LINGO2: variants seen among roughly 807,000 people sequenced by gnomAD.
LINGO2 encodes the protein leucine-rich repeat and immunoglobulin-like domain-containing nogo receptor-interacting protein 2.
In LINGO2, 14 loss-of-function variants were observed where a neutral mutation model predicts 30.6. That is an observed-to-expected ratio of 0.46 (90% CI 0.30 to 0.72). The LOEUF is 0.72. Among genes scored for constraint, LINGO2 ranks in the 30% least tolerant of loss-of-function variants. The pLI is 0.07. For missense variants in LINGO2, 729 were observed against 751.7 expected, an observed-to-expected ratio of 0.97 and a Z score of 0.35; for synonymous variants, 317 against 288.5, an observed-to-expected ratio of 1.10 and a Z score of -1.00.
At chr9:29,036,265 GT>G in the LINGO2 span, among the ~76,000 whole-genome samples, 1 of 152,042 alleles carries the variant, frequency 6.6e-6, no homozygotes, top group Non-Finnish European at 1.5e-5. Flanking sequence ...GTGCATAAAA[GT>G]GATTATAAGA....
At chr9:29,080,190 G>A in the LINGO2 span, among the ~76,000 whole-genome samples, 926 of 152,168 alleles carry the variant, frequency 6.1e-3, 13 homozygotes, top group African/African-American at 0.021. Flanking sequence ...TATGTGACCA[G>A]GAATTTATCC....
At chr9:28,588,632 G>A (rs1026022556) in intron 1 of LINGO2, among the ~76,000 whole-genome samples, 2 of 131,236 alleles carry the variant, frequency 1.5e-5, no homozygotes, top group Non-Finnish European at 3.2e-5. Flanking sequence ...CAAACATGAC[G>A]GTGTGGGCAT....
At chr9:28,251,241 T>G (rs934254242) in intron 4 of LINGO2, among the ~76,000 whole-genome samples, 11 of 152,100 alleles carry the variant, frequency 7.2e-5, no homozygotes, top group Non-Finnish European at 2.9e-5. Context: ...AACCTTTTTT[T>G]CCCAAGAACC....
chr9:28,017,644 A>T (rs975822956), intron 4 of LINGO2, among the ~76,000 whole-genome samples: 1 of 152,188 alleles, frequency 6.6e-6, no homozygotes, highest in South Asian at 2.1e-4. Context: ...CTAGGAATAC[A>T]GCTAATCAGG....
chr9:28,019,215 C>T (rs918107039), intron 4 of LINGO2, among the ~76,000 whole-genome samples: 7 of 151,914 alleles, frequency 4.6e-5, no homozygotes, highest in Non-Finnish European at 7.4e-5. Flanking sequence ...TCTCCAAACC[C>T]GTGACATGCA....
the LINGO2 span, among the ~76,000 whole-genome samples, chr9:28,839,481 C>G: frequency 6.6e-6 from 1 of 152,098 alleles, no homozygotes; most frequent in African/African-American, 2.4e-5. Context: ...GTATGCAGCT[C>G]TCAGCAGAGA....
intron 4 of LINGO2, among the ~76,000 whole-genome samples, chr9:28,217,016 A>G (rs1820791194): frequency 6.6e-6 from 1 of 151,780 alleles, no homozygotes; most frequent in African/African-American, 2.4e-5. Flanking sequence ...GTTTTGCATC[A>G]ATGAGAAAAG....
chr9:29,090,018 GA>G, the LINGO2 span, among the ~76,000 whole-genome samples: 11 of 151,904 alleles, frequency 7.2e-5, 1 homozygote, highest in African/African-American at 2.7e-4. Context: ...AAACAAAACA[GA>G]AAAGTAACAA....
intron 1 of LINGO2, among the ~76,000 whole-genome samples, chr9:28,556,862 T>C (rs1170083351): frequency 6.6e-6 from 1 of 152,098 alleles, no homozygotes; most frequent in African/African-American, 2.4e-5. Context: ...AACTATCTGA[T>C]CTTTGAAAAA....
chr9:28,476,668 C>T lies in LINGO2; in HGVS notation c.-364-643G>A, dbSNP rs144446469. ...ATCTGTGTACTTAAACTCCAGAAGGCAAAATGGTATTTTGTTATAACGTAA... is the reference window on the plus strand; with the variant it reads ...ATCTGTGTACTTAAACTCCAGAAGGTAAAATGGTATTTTGTTATAACGTAA... On this transcript the variant is annotated intron_variant, in intron 1 of 5. Transcript: ENST00000379992. 2.9e-4 allele frequency among the ~76,000 whole-genome samples: 44 copies of T among 151,994 alleles called. No individual in the cohort carries two copies. In the East Asian group the frequency reaches 6.4e-3, roughly 22 times the overall value.
rs1045797306 is a variant in LINGO2 at position 28,637,949 on chromosome 9, G to T, written c.-365+32251C>A. On this transcript the variant is annotated intron_variant, in intron 1 of 5. Coordinates refer to ENST00000379992, the Ensembl canonical transcript of LINGO2. The stretch of plus-strand genomic sequence containing the variant: ...TTTTTGCCCATTCAATATGATATTG[G>T]CTGTGGGTTTGTCATAGATAGCTCT... Among the ~76,000 whole-genome samples the T allele has an allele frequency of 2.9e-4, 44 of 152,198 alleles. 1 individual carries two copies. The highest frequency in any genetic ancestry group is 9.9e-4 in the African/African-American group (41 of 41,530).
chr9:28,353,929 C>G (rs1387278101), intron 3 of LINGO2, among the ~76,000 whole-genome samples: 1 of 152,110 alleles, frequency 6.6e-6, no homozygotes, highest in Non-Finnish European at 1.5e-5. Flanking sequence ...TGCATATTCT[C>G]ACTCATAGGT....
chr9:28,407,608 G>T (rs73435251), intron 2 of LINGO2, among the ~76,000 whole-genome samples: 1 of 152,194 alleles, frequency 6.6e-6, no homozygotes, highest in African/African-American at 2.4e-5. Context: ...TTTTCCTAAG[G>T]GTTTCTGCTA....
the LINGO2 span, among the ~76,000 whole-genome samples, chr9:29,086,117 G>A: frequency 2.0e-5 from 3 of 152,116 alleles, no homozygotes; most frequent in African/African-American, 4.8e-5. Flanking sequence ...AAATGTGTGA[G>A]ACAAAACAAT....
chr9:28,982,860 A>G, the LINGO2 span, among the ~76,000 whole-genome samples: 1 of 152,036 alleles, frequency 6.6e-6, no homozygotes, highest in Non-Finnish European at 1.5e-5. Flanking sequence ...CTAAGCTTTC[A>G]TACTTAATAC....
chr9:27,966,457 A>T (rs1171094344), intron 5 of LINGO2, among the ~76,000 whole-genome samples: 5 of 152,150 alleles, frequency 3.3e-5, no homozygotes, highest in Non-Finnish European at 5.9e-5. Flanking sequence ...ATCCTCAACA[A>T]ACTAACACAG....
At chr9:28,109,292 C>T (rs955015744) in intron 4 of LINGO2, among the ~76,000 whole-genome samples, 1 of 152,180 alleles carries the variant, frequency 6.6e-6, no homozygotes, top group African/African-American at 2.4e-5. Flanking sequence ...CAATATCATA[C>T]TGACTGGACA....
chr9:28,322,438 TACACACACACACACACACAC>T (rs61397051), intron 3 of LINGO2, among the ~76,000 whole-genome samples: 10 of 150,448 alleles, frequency 6.6e-5, no homozygotes, highest in Admixed American at 1.3e-4. Flanking sequence ...AGGCACTCAG[TACACACACACACACACACAC>T]ACACACACAC....
intron 4 of LINGO2, among the ~76,000 whole-genome samples, chr9:28,018,204 AACTC>A (rs1444495884): frequency 6.6e-6 from 1 of 152,170 alleles, no homozygotes; most frequent in African/African-American, 2.4e-5. Context: ...TCCCAAAACT[AACTC>A]AAGATCAATT....
Sources: gnomAD v4.1 joint callset for allele counts (sites outside exome capture counted in the v4.1 genomes callset) on GRCh38, gnomAD v4.1.1 for gene constraint, MANE v1.5 for transcripts, NCBI Gene and HGNC (gene_info 2026-07-23, HGNC 2026-07-21) for gene names.